Variants in RNF150 observed in about 807,000 individuals in gnomAD.
RNF150 encodes the protein ring finger protein 150.
In RNF150, 24 loss-of-function variants were observed where a neutral mutation model predicts 39.3. That is an observed-to-expected ratio of 0.61 (90% confidence interval 0.44 to 0.86). RNF150 has a LOEUF of 0.86. RNF150 is among the 40% of genes least tolerant of loss of function. The probability of loss-of-function intolerance (pLI) is 0.00; values close to 1 mark genes in which losing one functional copy is unlikely to be tolerated. For synonymous variants in RNF150, 255 were observed against 227.3 expected (o/e 1.12, Z -1.10); for missense variants, 502 against 587.8 (o/e 0.85, Z 1.51).
intron 1 of RNF150, among the ~76,000 whole-genome samples, chr4:141,151,571 T>C (rs1207479082): frequency 6.6e-6 from 1 of 152,080 alleles, no homozygotes; most frequent in East Asian, 1.9e-4. Context: ...TTTGGCTAGG[T>C]TTATAGTAAT....
At chr4:141,003,656 G>T (rs1215007202) in intron 1 of RNF150, among the ~76,000 whole-genome samples, 5 of 151,836 alleles carry the variant, frequency 3.3e-5, no homozygotes, top group Non-Finnish European at 7.4e-5. Flanking sequence ...CAAGGGAAGG[G>T]GAGGAAAGTC....
chr4:141,083,758 T>C (rs1738248377), intron 1 of RNF150, among the ~76,000 whole-genome samples: 1 of 152,148 alleles, frequency 6.6e-6, no homozygotes, highest in African/African-American at 2.4e-5. Context: ...CATAGGAATA[T>C]GCACAAAGCT....
At chr4:140,903,857 C>A (rs1289832263) in intron 6 of RNF150, among the ~76,000 whole-genome samples, 1 of 152,158 alleles carries the variant, frequency 6.6e-6, no homozygotes, top group Non-Finnish European at 1.5e-5. Flanking sequence ...AGCAATATAT[C>A]TGTGGTCTAA....
intron 1 of RNF150, among the ~76,000 whole-genome samples, chr4:141,085,604 T>C (rs73851910): frequency 0.012 from 1,886 of 152,226 alleles, 38 homozygotes; most frequent in African/African-American, 0.043. Flanking sequence ...ATACTGGGGA[T>C]CAAAGATAAG....
chr4:141,126,887 T>C (rs1281518759), intron 1 of RNF150, among the ~76,000 whole-genome samples: 1 of 152,102 alleles, frequency 6.6e-6, no homozygotes, highest in Non-Finnish European at 1.5e-5. Flanking sequence ...AAATGGTGAA[T>C]CAGAGGGAGG....
intron 1 of RNF150, among the ~76,000 whole-genome samples, chr4:141,004,154 C>G (rs929632031): frequency 9.9e-5 from 15 of 151,062 alleles, no homozygotes. Flanking sequence ...GCTACAATGG[C>G]GAACAACAAC....
intron 6 of RNF150, among the ~76,000 whole-genome samples, chr4:140,879,656 C>G (rs1729300283): frequency 6.8e-6 from 1 of 148,022 alleles, no homozygotes; most frequent in Non-Finnish European, 1.5e-5. Flanking sequence ...GATCATGTCT[C>G]TACAGATGAA....
At chr4:141,011,625 C>A (rs73849457) in intron 1 of RNF150, among the ~76,000 whole-genome samples, 1 of 152,150 alleles carries the variant, frequency 6.6e-6, no homozygotes. Context: ...TTGGGTAACA[C>A]CCCAAAGCTC....
At chr4:141,155,934 G>C (rs951134440) in intron 1 of RNF150, among the ~76,000 whole-genome samples, 2 of 151,384 alleles carry the variant, frequency 1.3e-5, no homozygotes, top group African/African-American at 4.9e-5. Context: ...AAGTCTGGTG[G>C]TTAGTGAGGG....
chr4:140,958,237 G>A (rs1430505002), intron 2 of RNF150, among the ~76,000 whole-genome samples: 1 of 152,038 alleles, frequency 6.6e-6, no homozygotes, highest in Non-Finnish European at 1.5e-5. Flanking sequence ...TGGTATCCAT[G>A]GGTAGGAGGG....
chr4:141,097,416 T>A (rs528184292), intron 1 of RNF150, among the ~76,000 whole-genome samples: 19 of 152,334 alleles, frequency 1.2e-4, no homozygotes, highest in African/African-American at 4.3e-4. Context: ...AAAGTCTGTA[T>A]CTAAATACAG....
At chr4:141,184,356 T>TG (rs1727964568) in intron 1 of RNF150, among the ~76,000 whole-genome samples, 1 of 151,904 alleles carries the variant, frequency 6.6e-6, no homozygotes, top group Non-Finnish European at 1.5e-5. Flanking sequence ...TGGGGTTGTT[T>TG]TTTTCTTGTA....
At chr4:141,122,177 C>G (rs562601625) in intron 1 of RNF150, among the ~76,000 whole-genome samples, 2 of 152,220 alleles carry the variant, frequency 1.3e-5, no homozygotes, top group Non-Finnish European at 2.9e-5. Flanking sequence ...AACTGAAACC[C>G]GAGTTTCCTA....
intron 6 of RNF150, among the ~76,000 whole-genome samples, chr4:140,878,173 T>G (rs1450079943): frequency 1.4e-5 from 2 of 147,546 alleles, no homozygotes; most frequent in South Asian, 2.1e-4. Context: ...TGTTTTTTTT[T>G]TTTTTTTTTT....
intron 1 of RNF150, among the ~76,000 whole-genome samples, chr4:141,186,269 G>T (rs1728010830): frequency 6.6e-6 from 1 of 152,190 alleles, no homozygotes; most frequent in Admixed American, 6.5e-5. Context: ...GAAGGTGTAT[G>T]TGGCCAGGAA....
chr4:140,894,698 C>T lies in RNF150; in HGVS notation c.1198+16446G>A, dbSNP rs145402751. 4.5e-3 allele frequency among the ~76,000 whole-genome samples: 687 copies of T among 152,312 alleles called. 4 individuals carry two copies. Among genetic ancestry groups the T allele is most frequent in the African/African-American group, 0.016 (660 of 41,554 alleles). On this transcript the variant is annotated intron_variant, in intron 6 of 6. Transcript: ENST00000515673. ...TGTATTCTTAAAAAATCTGCAGCCACAAACATGGCCCATGTCCTAAATAGT... is the reference window on the plus strand; with the variant it reads ...TGTATTCTTAAAAAATCTGCAGCCATAAACATGGCCCATGTCCTAAATAGT...
In RNF150 at chr4:140,862,075, T is replaced by C. The variant is rs1381291395; in HGVS notation, c.*6186A>G. On this transcript the variant is annotated 3_prime_UTR_variant, in exon 7 of 7. Transcript: ENST00000515673. ...GATGGTGATCAGTCTTTGGTTTATA[T>C]AGCACACATGGTCCCCACATTACCC... 3 of 152,200 alleles carry C rather than the reference T, an allele frequency of 2.0e-5. No homozygotes were observed. Among genetic ancestry groups the C allele is most frequent in the African/African-American group, 7.2e-5 (3 of 41,450 alleles). The allele number at this position is 152,200 out of a possible 1,614,324, so 9.4% of individuals were successfully genotyped here. A position where few individuals can be genotyped will look rare whatever the true frequency, so the allele number is the denominator to read the frequency against.
chr4:141,138,765 A>T (rs754680873), intron 1 of RNF150, among the ~76,000 whole-genome samples: 11 of 152,168 alleles, frequency 7.2e-5, no homozygotes, highest in Non-Finnish European at 1.5e-4. Flanking sequence ...TTCAAAGTGG[A>T]GTGATTACAT....
chr4:141,158,940 C>T (rs1168420235), intron 1 of RNF150, among the ~76,000 whole-genome samples: 1 of 152,118 alleles, frequency 6.6e-6, no homozygotes, highest in African/African-American at 2.4e-5. Context: ...CTTGAGGGTG[C>T]TTTGAAATGG....
Sources: allele counts gnomAD v4.1 joint callset (sites outside exome capture counted in the v4.1 genomes callset), GRCh38; gene constraint gnomAD v4.1.1; transcripts MANE v1.5; gene names NCBI Gene and HGNC (gene_info 2026-07-23, HGNC 2026-07-21).